TMEM245: variants seen among roughly 807,000 people sequenced by gnomAD.
TMEM245 encodes the protein protein CG-2.
A neutral mutation model predicts 101.2 loss-of-function variants in TMEM245; 69 were observed. That is an observed-to-expected ratio of 0.68 (90% CI 0.56 to 0.83). The LOEUF is 0.83. Among genes scored for constraint, TMEM245 ranks in the 40% least tolerant of loss-of-function variants. TMEM245 has a pLI of 0.00. For synonymous variants in TMEM245, 537 were observed against 449.8 expected, an observed-to-expected ratio of 1.19 and a Z score of -2.45; for missense variants, 1,075 against 1,092.8, an observed-to-expected ratio of 0.98 and a Z score of 0.23.
chr9:109,035,147 ACT>A (rs1280274919), intron 16 of TMEM245, among the ~76,000 whole-genome samples: 4 of 124,760 alleles, frequency 3.2e-5, no homozygotes, highest in Non-Finnish European at 4.8e-5. Flanking sequence ...ATAGAGGGAG[ACT>A]CTGTCTCAAA....
At chr9:109,075,958 A>T (rs1829486516) in intron 8 of TMEM245, among the ~76,000 whole-genome samples, 1 of 152,164 alleles carries the variant, frequency 6.6e-6, no homozygotes, top group African/African-American at 2.4e-5. Context: ...TCCTTTTTCA[A>T]ATATAAGCAT....
chr9:109,106,068 G>A (rs923278480), intron 3 of TMEM245, among the ~76,000 whole-genome samples: 1 of 151,936 alleles, frequency 6.6e-6, no homozygotes, highest in Non-Finnish European at 1.5e-5. Context: ...CACTGCGCAC[G>A]GCCTGTAGGC....
chr9:109,117,381 G>C (rs576650237), intron 1 of TMEM245, among the ~76,000 whole-genome samples: 1 of 152,130 alleles, frequency 6.6e-6, no homozygotes, highest in African/African-American at 2.4e-5. Context: ...ACCTCCCAAA[G>C]TGCTGGGATT....
chr9:109,086,192 A>G (rs1454031499), intron 6 of TMEM245, among the ~76,000 whole-genome samples, 172 bp from the exon 7 acceptor site: 1 of 152,222 alleles, frequency 6.6e-6, no homozygotes, highest in Non-Finnish European at 1.5e-5. Flanking sequence ...AAATCAACGG[A>G]ATGTAGTATT....
chr9:109,077,478 T>C (rs1236155781), intron 8 of TMEM245, among the ~76,000 whole-genome samples: 2 of 152,182 alleles, frequency 1.3e-5, no homozygotes. Flanking sequence ...AATATCCTTA[T>C]TATTTTCTAA....
At chr9:109,094,105 T>C (rs1830077346) in intron 3 of TMEM245, among the ~76,000 whole-genome samples, 1 of 152,152 alleles carries the variant, frequency 6.6e-6, no homozygotes, top group South Asian at 2.1e-4. Flanking sequence ...ACAGGCAAAA[T>C]CCACCACTTG....
intron 5 of TMEM245, among the ~76,000 whole-genome samples, chr9:109,087,995 T>C (rs1217106642): frequency 6.6e-6 from 1 of 152,186 alleles, no homozygotes; most frequent in Admixed American, 6.5e-5. Context: ...CAAACCACAC[T>C]GTCTCCTCCT....
chr9:109,111,049 TA>T (rs146070978), intron 1 of TMEM245, among the ~76,000 whole-genome samples: 22,116 of 151,950 alleles, frequency 0.15, 1,832 homozygotes, highest in African/African-American at 0.2. Context: ...CACAACATGA[TA>T]ATATAAATGT....
intron 17 of TMEM245, among the ~76,000 whole-genome samples, chr9:109,028,981 G>A (rs7871524): frequency 0.15 from 23,103 of 152,096 alleles, 1,998 homozygotes; most frequent in African/African-American, 0.21. Context: ...GTAAATGTAC[G>A]TTAAGCTGCT....
chr9:109,057,382 T>TA (rs1056143255), intron 11 of TMEM245, 60 bp from the exon 12 acceptor site: 10 of 1,569,418 alleles, frequency 6.4e-6, no homozygotes, highest in Non-Finnish European at 8.7e-6. Context: ...ACAGAAAGTA[T>TA]AAATGTCACA....
intron 9 of TMEM245, among the ~76,000 whole-genome samples, chr9:109,072,236 T>G (rs1323251837): frequency 2.7e-5 from 4 of 150,504 alleles, no homozygotes; most frequent in Admixed American, 2.6e-4. Flanking sequence ...AAACACTGTG[T>G]TCAAGGAGAA....
In TMEM245 at chr9:109,119,694, A is replaced by C; in HGVS notation, c.220T>G (p.Tyr74Asp). ...CLCCGAAVLV[Y>D]FILEAFLRPL... ...CGCAGGAAGGCCTCCAGGATGAAGTAGACCAGCACCGCGGCGCCGCAGCAC... is the reference window on the plus strand; with the variant it reads ...CGCAGGAAGGCCTCCAGGATGAAGTCGACCAGCACCGCGGCGCCGCAGCAC... The change falls in exon 1 of 18, where the codon TAC becomes GAC. Residue 74 changes from tyrosine to aspartate, a missense_variant. Coordinates refer to ENST00000374586, the MANE Select transcript of TMEM245 (RefSeq NM_032012.4). The C allele has an allele frequency of 6.4e-7, 1 of 1,553,420 alleles. No individual in the cohort carries two copies.
At chr9:109,108,647 G>T in intron 1 of TMEM245, 77 bp from the exon 2 acceptor site, 2 of 1,066,610 alleles carry the variant, frequency 1.9e-6, no homozygotes, top group South Asian at 1.5e-5. Flanking sequence ...ATCTGTAAGT[G>T]TCTATACAGC....
chr9:109,041,039 A>G (rs372491348), intron 14 of TMEM245, among the ~76,000 whole-genome samples: 12 of 152,204 alleles, frequency 7.9e-5, no homozygotes, highest in African/African-American at 2.9e-4. Flanking sequence ...GAAAAAACTA[A>G]TAGTCCACGG....
chr9:109,107,206 G>A (rs565758473), intron 2 of TMEM245, among the ~76,000 whole-genome samples: 58 of 151,408 alleles, frequency 3.8e-4, no homozygotes, highest in Middle Eastern at 3.4e-3. Flanking sequence ...TGGCCAGCAT[G>A]GTGAAATCCC....
At position 109,022,703 on chromosome 9, in the gene TMEM245, T is replaced by C. The variant is rs1215283304; in HGVS notation, c.2595-2198A>G. On this transcript the variant is annotated intron_variant, in intron 17 of 17. Coordinates refer to ENST00000374586, the MANE Select transcript of TMEM245 (RefSeq NM_032012.4). ...CTATTTTTCACAGTCTCACCCAAGT[T>C]TGTGTTTTTACATTTGTCTACAGGC... Among the ~76,000 whole-genome samples, 3 of 152,126 alleles carry C rather than the reference T, an allele frequency of 2.0e-5. No homozygotes were observed. In the East Asian group the frequency reaches 5.8e-4, roughly 29 times the overall value.
At chr9:109,066,824 G>A (rs1829185154) in intron 9 of TMEM245, among the ~76,000 whole-genome samples, 1 of 152,088 alleles carries the variant, frequency 6.6e-6, no homozygotes, top group African/African-American at 2.4e-5. Flanking sequence ...GAGAGGCCGA[G>A]GCGGGTGGAT....
intron 9 of TMEM245, among the ~76,000 whole-genome samples, chr9:109,066,070 T>TG (rs762124110): frequency 3.2e-4 from 49 of 152,334 alleles, no homozygotes; most frequent in South Asian, 6.2e-4. Context: ...AAACCAGTAG[T>TG]GGGTTGAATC....
chr9:109,031,699 C>G (rs1313720327), intron 17 of TMEM245, among the ~76,000 whole-genome samples: 1 of 152,058 alleles, frequency 6.6e-6, no homozygotes, highest in Non-Finnish European at 1.5e-5. Flanking sequence ...GGTGTGAGTA[C>G]ATGAAAAAAT....
Sources: gnomAD v4.1 joint callset for allele counts (sites outside exome capture counted in the v4.1 genomes callset) on GRCh38, gnomAD v4.1.1 for gene constraint, MANE v1.5 for transcripts, NCBI Gene and HGNC (gene_info 2026-07-23, HGNC 2026-07-21) for gene names.